The following NICOL1 variants were observed in gnomAD, a reference collection of about 807,000 sequenced individuals.
The protein encoded by NICOL1 is NELL2-interacting cell ontogeny regulator 1.
the NICOL1 span, among the ~76,000 whole-genome samples, chr4:2,036,627 G>A: frequency 5.9e-5 from 9 of 152,192 alleles, no homozygotes; most frequent in African/African-American, 2.2e-4. Context: ...GTTCAGGGCG[G>A]CCCTCGAGGA....
chr4:2,041,150 T>TCGG, the NICOL1 span, among the ~76,000 whole-genome samples: 1 of 65,638 alleles, frequency 1.5e-5, no homozygotes, highest in South Asian at 5.1e-4. Flanking sequence ...CTGGGTGGGG[T>TCGG]GGGGGGGGAG....
chr4:2,041,097 G>A, the NICOL1 span, among the ~76,000 whole-genome samples: 3 of 150,960 alleles, frequency 2.0e-5, no homozygotes, highest in African/African-American at 7.3e-5. Flanking sequence ...GGTCTGGCGG[G>A]AGGTGTGGTT....
At chr4:2,042,982 C>T in the NICOL1 span, among the ~76,000 whole-genome samples, 28 of 152,296 alleles carry the variant, frequency 1.8e-4, no homozygotes, top group African/African-American at 6.7e-4. Flanking sequence ...TCCAGTCATC[C>T]AAGGGGCATT....
At chr4:2,040,487 C>T in the NICOL1 span, among the ~76,000 whole-genome samples, 33 of 152,274 alleles carry the variant, frequency 2.2e-4, no homozygotes, top group Non-Finnish European at 3.2e-4. Flanking sequence ...ACGCCTGCGG[C>T]CCGGCGCGTC....
the NICOL1 span, among the ~76,000 whole-genome samples, chr4:2,036,609 T>C: frequency 6.6e-6 from 1 of 152,170 alleles, no homozygotes; most frequent in Non-Finnish European, 1.5e-5. Context: ...GAAGCTCCAC[T>C]ACAACATGTT....
the NICOL1 span, among the ~76,000 whole-genome samples, chr4:2,038,237 G>GTGTGTGTGTATA: frequency 9.8e-5 from 9 of 91,468 alleles, no homozygotes; most frequent in African/African-American, 2.9e-4. Context: ...TGATCAGTGT[G>GTGTGTGTGTATA]TATATATATA....
the NICOL1 span, chr4:2,043,771 T>G: frequency 2.8e-6 from 3 of 1,052,808 alleles, no homozygotes; most frequent in South Asian, 1.5e-5. Flanking sequence ...CAGGAGCCGG[T>G]GGAGATAGGG....
At chr4:2,037,460 A>C in the NICOL1 span, among the ~76,000 whole-genome samples, 1 of 152,246 alleles carries the variant, frequency 6.6e-6, no homozygotes, top group Admixed American at 6.5e-5. Flanking sequence ...ATTCTGAACT[A>C]AATTAAGATG....
At chr4:2,039,482 C>T in the NICOL1 span, among the ~76,000 whole-genome samples, 1 of 152,046 alleles carries the variant, frequency 6.6e-6, no homozygotes, top group Non-Finnish European at 1.5e-5. Context: ...ATGGTTCTCA[C>T]CTATAAAATA....
At chr4:2,042,353 T>C in the NICOL1 span, 1 of 511,622 alleles carries the variant, frequency 2.0e-6, no homozygotes, top group Non-Finnish European at 3.3e-6. Flanking sequence ...CTGCTGGCCA[T>C]GGCCCCCCCG....
the NICOL1 span, among the ~76,000 whole-genome samples, chr4:2,040,464 G>C: frequency 2.0e-5 from 3 of 152,156 alleles, no homozygotes; most frequent in Non-Finnish European, 4.4e-5. Flanking sequence ...GCGTGGGACC[G>C]AAGGGGAGAA....
chr4:2,038,271 ATATATATATATAT>A, the NICOL1 span, among the ~76,000 whole-genome samples: 1 of 84,248 alleles, frequency 1.2e-5, no homozygotes, highest in African/African-American at 5.2e-5. Flanking sequence ...ATATATATAT[ATATATATATATAT>A]AAAATTAAAA....
the NICOL1 span, among the ~76,000 whole-genome samples, chr4:2,038,217 C>A: frequency 9.0e-6 from 1 of 111,718 alleles, no homozygotes; most frequent in Non-Finnish European, 1.8e-5. Flanking sequence ...TGTTTAAAGC[C>A]TTTATTAAGT....
At chr4:2,042,387 ACCGCCG>A in the NICOL1 span, 11 of 458,222 alleles carry the variant, frequency 2.4e-5, no homozygotes, top group East Asian at 1.2e-4. Context: ...CCCCGATGTC[ACCGCCG>A]CCGCCGCCGC....
At chr4:2,039,376 T>C in the NICOL1 span, among the ~76,000 whole-genome samples, 1 of 151,528 alleles carries the variant, frequency 6.6e-6, no homozygotes, top group East Asian at 1.9e-4. Flanking sequence ...ATTGCACCAC[T>C]GTACTCTAGC....
chr4:2,042,629 G>T, the NICOL1 span: 1 of 597,236 alleles, frequency 1.7e-6, no homozygotes, highest in Non-Finnish European at 2.7e-6. Flanking sequence ...GGCTTGGGGA[G>T]TGGGGACGTG....
the NICOL1 span, chr4:2,042,700 C>G: frequency 5.3e-6 from 7 of 1,316,672 alleles, no homozygotes; most frequent in African/African-American, 1.1e-4. Flanking sequence ...GTGACCCCCC[C>G]TGCGCCCCCT....
chr4:2,038,207 T>G, the NICOL1 span, among the ~76,000 whole-genome samples: 1 of 142,698 alleles, frequency 7.0e-6, no homozygotes, highest in African/African-American at 2.6e-5. Context: ...TTATTTGACA[T>G]GTTTAAAGCC....
chr4:2,038,285 A>AT, the NICOL1 span, among the ~76,000 whole-genome samples: 20 of 121,498 alleles, frequency 1.6e-4, no homozygotes, highest in East Asian at 4.7e-4. Flanking sequence ...ATATATATAT[A>AT]AAATTAAAAT....
Sources: gnomAD v4.1 joint callset for allele counts (sites outside exome capture counted in the v4.1 genomes callset) on GRCh38, gnomAD v4.1.1 for gene constraint, MANE v1.5 for transcripts, NCBI Gene and HGNC (gene_info 2026-07-23, HGNC 2026-07-21) for gene names.